Variants in TTC28 observed in about 807,000 individuals in gnomAD.
TTC28 encodes the protein tetratricopeptide repeat protein 28.
A neutral mutation model predicts 198.0 loss-of-function variants in TTC28; 61 were observed. The observed-to-expected ratio is 0.31, with a 90% confidence interval of 0.25 to 0.38. TTC28 has a LOEUF of 0.38. Among genes scored for constraint, TTC28 ranks in the 10% least tolerant of loss-of-function variants. The pLI is 1.00. For missense variants in TTC28, 2,678 were observed against 3,164.0 expected (o/e 0.85, Z 3.69); for synonymous variants, 1,171 against 1,297.8 (o/e 0.90, Z 2.10).
intron 2 of TTC28, among the ~76,000 whole-genome samples, chr22:28,493,648 G>GA (rs779288414): frequency 2.0e-5 from 3 of 152,020 alleles, no homozygotes; most frequent in Admixed American, 6.5e-5. Flanking sequence ...ATCACAAAAA[G>GA]AAAAAACAAG....
intron 5 of TTC28, among the ~76,000 whole-genome samples, chr22:28,164,125 G>A (rs972594788): frequency 6.6e-6 from 1 of 152,210 alleles, no homozygotes; most frequent in Non-Finnish European, 1.5e-5. Context: ...CAAGGCTTGA[G>A]TAGGTAAACA....
intron 6 of TTC28, among the ~76,000 whole-genome samples, chr22:28,132,879 A>G (rs1469107001): frequency 6.6e-6 from 1 of 152,248 alleles, no homozygotes; most frequent in African/African-American, 2.4e-5. Flanking sequence ...AGAACCCTAT[A>G]GACAATGTTA....
Position 28,212,211 on chromosome 22 carries a change from A to G in TTC28, c.934-48612T>C, listed in dbSNP as rs1000775816. Among the ~76,000 whole-genome samples, 7 of 152,152 alleles carry G rather than the reference A, an allele frequency of 4.6e-5. No homozygotes were observed. In the South Asian group the frequency reaches 6.3e-4, roughly 14 times the overall value. On this transcript the variant is annotated intron_variant, in intron 5 of 22. Coordinates refer to ENST00000397906, the MANE Select transcript of TTC28 (RefSeq NM_001145418.2). ...AATTGACACCTGAACATCACAATTA[A>G]AAGAACTAGAGAAGCAAGAGCAAAC... is the stretch of plus-strand genomic sequence containing the variant.
intron 2 of TTC28, among the ~76,000 whole-genome samples, chr22:28,604,906 G>A (rs773712429): frequency 5.3e-5 from 8 of 152,092 alleles, no homozygotes; most frequent in Non-Finnish European, 1.2e-4. Context: ...AAGTATATAT[G>A]ACAACAAAAC....
In TTC28 at chr22:28,531,470, A is replaced by T. The variant is rs546947321; in HGVS notation, c.381+98082T>A. Among the ~76,000 whole-genome samples the T allele has an allele frequency of 3.9e-5, 6 of 152,326 alleles. No homozygotes were observed. In the East Asian group the frequency reaches 1.2e-3, roughly 29 times the overall value. On this transcript the variant is annotated intron_variant, in intron 2 of 22. Transcript: ENST00000397906. ...CACACAATAATAATGGGAGATTTTAACACCCCACTGTCAACATTAAACAGA... is the reference window on the plus strand; with the variant it reads ...CACACAATAATAATGGGAGATTTTATCACCCCACTGTCAACATTAAACAGA...
chr22:28,140,692 T>A (rs1229306918), intron 6 of TTC28, among the ~76,000 whole-genome samples: 2 of 152,244 alleles, frequency 1.3e-5, no homozygotes, highest in African/African-American at 4.8e-5. Flanking sequence ...CATGTAATCT[T>A]CTTATCCATA....
At chr22:28,496,768 G>A (rs990906337) in intron 2 of TTC28, among the ~76,000 whole-genome samples, 4 of 151,832 alleles carry the variant, frequency 2.6e-5, no homozygotes, top group African/African-American at 4.8e-5. Context: ...TCACTCCTCC[G>A]CTTAGAAGAT....
chr22:28,275,244 G>T (rs998892304), intron 5 of TTC28, among the ~76,000 whole-genome samples: 3 of 152,118 alleles, frequency 2.0e-5, no homozygotes, highest in African/African-American at 7.2e-5. Context: ...AAAAGCTTTG[G>T]CAAAGATTTT....
chr22:28,231,460 G>T (rs1339643851), intron 5 of TTC28, among the ~76,000 whole-genome samples: 1 of 152,200 alleles, frequency 6.6e-6, no homozygotes, highest in East Asian at 1.9e-4. Context: ...AATCCCTGAA[G>T]AGGTCAAAAT....
intron 6 of TTC28, among the ~76,000 whole-genome samples, chr22:28,132,559 C>A (rs936967576): frequency 2.0e-5 from 3 of 152,198 alleles, no homozygotes; most frequent in African/African-American, 7.2e-5. Context: ...AAAACCCTTT[C>A]CAGTTCCAAC....
chr22:28,574,646 T>C (rs2050117824), intron 2 of TTC28, among the ~76,000 whole-genome samples: 1 of 152,150 alleles, frequency 6.6e-6, no homozygotes, highest in African/African-American at 2.4e-5. Flanking sequence ...CCACAAACGG[T>C]GTATGCGAGT....
intron 6 of TTC28, among the ~76,000 whole-genome samples, chr22:28,133,219 T>G (rs1309869450): frequency 1.3e-5 from 2 of 152,172 alleles, no homozygotes; most frequent in African/African-American, 4.8e-5. Context: ...TGAATGTGAC[T>G]CTGTCTCAAA....
intron 2 of TTC28, among the ~76,000 whole-genome samples, chr22:28,624,688 T>C (rs1375095212): frequency 9.2e-5 from 14 of 152,098 alleles, no homozygotes. Context: ...ATGCCAATCC[T>C]ACACAAACTC....
intron 2 of TTC28, among the ~76,000 whole-genome samples, chr22:28,398,190 G>C (rs868565248): frequency 2.6e-5 from 4 of 152,178 alleles, no homozygotes; most frequent in African/African-American, 9.7e-5. Flanking sequence ...GTCATCCTGA[G>C]AACTATGGAG....
chr22:28,409,408 A>G (rs1290163097), intron 2 of TTC28, among the ~76,000 whole-genome samples: 2 of 152,122 alleles, frequency 1.3e-5, no homozygotes, highest in African/African-American at 4.8e-5. Flanking sequence ...AAAGCATCAT[A>G]TCCTGAGACC....
intron 6 of TTC28, among the ~76,000 whole-genome samples, chr22:28,138,872 C>T (rs886529396): frequency 2.6e-5 from 4 of 152,070 alleles, no homozygotes; most frequent in African/African-American, 7.2e-5. Context: ...AACTCAGATA[C>T]GAACAAAGAA....
intron 2 of TTC28, among the ~76,000 whole-genome samples, chr22:28,328,506 C>A (rs1166130974): frequency 2.0e-5 from 3 of 151,982 alleles, no homozygotes; most frequent in African/African-American, 4.8e-5. Flanking sequence ...GTAATCCTAG[C>A]ACTCTGGGAG....
intron 2 of TTC28, among the ~76,000 whole-genome samples, chr22:28,622,027 A>G (rs2051008664): frequency 6.6e-6 from 1 of 152,150 alleles, no homozygotes; most frequent in African/African-American, 2.4e-5. Context: ...GTCTAGACAT[A>G]ATATTTTAAA....
chr22:28,588,400 A>G (rs1356481446), intron 2 of TTC28, among the ~76,000 whole-genome samples: 1 of 152,170 alleles, frequency 6.6e-6, no homozygotes, highest in Non-Finnish European at 1.5e-5. Flanking sequence ...AACAAGAAAA[A>G]TGTAAATAAT....
Sources: allele counts gnomAD v4.1 joint callset (sites outside exome capture counted in the v4.1 genomes callset), GRCh38; gene constraint gnomAD v4.1.1; transcripts MANE v1.5; gene names NCBI Gene and HGNC (gene_info 2026-07-23, HGNC 2026-07-21).